Variants in PRIM2 observed in about 807,000 individuals in gnomAD.
The protein encoded by PRIM2 is DNA primase subunit 2.
A neutral mutation model predicts 67.3 loss-of-function variants in PRIM2; 39 were observed. That is an observed-to-expected ratio of 0.58 (90% CI 0.45 to 0.76). The LOEUF is 0.76. Among genes scored for constraint, PRIM2 ranks in the 30% least tolerant of loss-of-function variants. The probability of loss-of-function intolerance (pLI) is 0.00; values close to 1 mark genes in which losing one functional copy is unlikely to be tolerated. For missense variants in PRIM2, 398 were observed against 598.7 expected (o/e 0.66, Z 3.50); for synonymous variants, 143 against 198.7 (o/e 0.72, Z 2.36).
chr6:57,419,888 T>G, intron 7 of PRIM2, among the ~76,000 whole-genome samples: 1 of 152,202 alleles, frequency 6.6e-6, no homozygotes, highest in Admixed American at 6.5e-5. Flanking sequence ...TGACTTATAC[T>G]TCGTTGATTA....
intron 7 of PRIM2, among the ~76,000 whole-genome samples, chr6:57,480,886 G>A (rs1273949667): frequency 5.9e-5 from 9 of 152,098 alleles, no homozygotes; most frequent in South Asian, 2.1e-4. Flanking sequence ...TCTGCCTCCC[G>A]AAGTGCTGAG....
At chr6:57,420,853 A>G (rs1175978596) in intron 7 of PRIM2, among the ~76,000 whole-genome samples, 2 of 152,236 alleles carry the variant, frequency 1.3e-5, no homozygotes, top group African/African-American at 4.8e-5. Flanking sequence ...ATGCCATAGA[A>G]ATATTCACTT....
chr6:57,283,615 C>G, the PRIM2 span, among the ~76,000 whole-genome samples: 1 of 151,836 alleles, frequency 6.6e-6, no homozygotes, highest in Non-Finnish European at 1.5e-5. Context: ...TTTTCAGCCT[C>G]AACTCTAAAG....
chr6:57,334,932 C>G (rs945384103), intron 5 of PRIM2, among the ~76,000 whole-genome samples: 3 of 152,192 alleles, frequency 2.0e-5, no homozygotes, highest in Non-Finnish European at 2.9e-5. Context: ...GTGATTTCTG[C>G]ATTTCCATCT....
intron 8 of PRIM2, among the ~76,000 whole-genome samples, chr6:57,510,947 C>T (rs1423158412): frequency 3.3e-5 from 5 of 151,590 alleles, no homozygotes; most frequent in Admixed American, 6.6e-5. Context: ...TACCTAGAGG[C>T]GGATGGACAT....
chr6:57,350,749 A>G (rs1768833951), intron 5 of PRIM2, among the ~76,000 whole-genome samples: 2 of 152,078 alleles, frequency 1.3e-5, no homozygotes, highest in Non-Finnish European at 2.9e-5. Flanking sequence ...GAACACAGAC[A>G]TAGGCCCATC....
At position 57,434,770 on chromosome 6, in the gene PRIM2, C is replaced by T. The variant is rs1771958136; in HGVS notation, c.693+52602C>T. Reference sequence around the variant, plus strand: ...AATCCTGGGTCTCTGCTCTCTCTCTCTTTTTTACTTTTCTTTTCTTTTTTT... The same window carrying T: ...AATCCTGGGTCTCTGCTCTCTCTCTTTTTTTTACTTTTCTTTTCTTTTTTT... On this transcript the variant is annotated intron_variant, in intron 7 of 13. Transcript: ENST00000615550. Among the ~76,000 whole-genome samples the T allele has an allele frequency of 4.0e-5, 6 of 151,812 alleles. No homozygotes were observed. In the South Asian group the frequency reaches 8.3e-4, roughly 21 times the overall value.
chr6:57,641,065 A>C (rs1260683283), intron 13 of PRIM2, among the ~76,000 whole-genome samples: 2 of 151,998 alleles, frequency 1.3e-5, no homozygotes, highest in African/African-American at 4.8e-5. Context: ...AACAGAACAG[A>C]GGCCTCAGAA....
chr6:57,309,884 T>G (rs1335570224), upstream of PRIM2, among the ~76,000 whole-genome samples: 1 of 152,158 alleles, frequency 6.6e-6, no homozygotes, highest in Non-Finnish European at 1.5e-5. Flanking sequence ...GGTATCTCAT[T>G]ATGGACTTCA....
rs1233405146 is a variant in PRIM2 at position 57,588,664 on chromosome 6, C to G, written c.1021-12429C>G. On this transcript the variant is annotated intron_variant, in intron 10 of 13. Transcript: ENST00000615550. Reference sequence around the variant, plus strand: ...TGTGAGTTAAAAATTTCAGGTTTTTCCAGTTGTTTTAACTGCAGTGCCACA... The same window carrying G: ...TGTGAGTTAAAAATTTCAGGTTTTTGCAGTTGTTTTAACTGCAGTGCCACA... 2.6e-5 allele frequency among the ~76,000 whole-genome samples: 4 copies of G among 152,018 alleles called. No homozygotes were observed. The East Asian group carries it at 7.8e-4, about 29-fold the overall frequency.
the PRIM2 span, among the ~76,000 whole-genome samples, chr6:57,258,583 CCAACCCACCCA>C: frequency 7.4e-6 from 1 of 135,668 alleles, no homozygotes; most frequent in African/African-American, 2.7e-5. Flanking sequence ...AGCCCCCACC[CCAACCCACCCA>C]CCCCTCCACT....
intron 7 of PRIM2, among the ~76,000 whole-genome samples, chr6:57,450,340 C>A (rs2127389824): frequency 6.6e-6 from 1 of 152,238 alleles, no homozygotes; most frequent in East Asian, 1.9e-4. Flanking sequence ...ATCCACTGGC[C>A]AAATTACCAT....
At chr6:57,298,558 G>A in the PRIM2 span, among the ~76,000 whole-genome samples, 1 of 151,968 alleles carries the variant, frequency 6.6e-6, no homozygotes, top group African/African-American at 2.4e-5. Context: ...AGAAATGAAG[G>A]GGGTTGCATG....
chr6:57,523,121 TA>T (rs1774660412), intron 8 of PRIM2, among the ~76,000 whole-genome samples: 1 of 152,204 alleles, frequency 6.6e-6, no homozygotes, highest in African/African-American at 2.4e-5. Context: ...TTAAGAATAA[TA>T]AATTTAGGCC....
intron 7 of PRIM2, among the ~76,000 whole-genome samples, chr6:57,504,195 T>G (rs1163744509): frequency 2.0e-5 from 3 of 152,212 alleles, no homozygotes; most frequent in Non-Finnish European, 4.4e-5. Flanking sequence ...TATTTGACAT[T>G]TATTGGCATT....
intron 10 of PRIM2, among the ~76,000 whole-genome samples, chr6:57,577,313 GAAGTCTCAATTTCCTAGGCTGTAA>G (rs1775981049): frequency 6.6e-6 from 1 of 152,002 alleles, no homozygotes; most frequent in African/African-American, 2.4e-5. Flanking sequence ...TTAATATTTC[GAAGTCTCAATTTCCTAGGCTGTAA>G]AATAGGGATA....
chr6:57,427,554 G>A (rs1771672137), intron 7 of PRIM2, among the ~76,000 whole-genome samples: 2 of 152,182 alleles, frequency 1.3e-5, no homozygotes, highest in African/African-American at 4.8e-5. Flanking sequence ...CTGACCTCAA[G>A]CAATCCACCT....
chr6:57,557,174 G>A (rs1220505850), intron 10 of PRIM2, among the ~76,000 whole-genome samples: 1 of 135,742 alleles, frequency 7.4e-6, no homozygotes, highest in African/African-American at 2.8e-5. Context: ...ACTGTTGGTG[G>A]GAGTGTAAAT....
At chr6:57,541,847 T>TTACTAC (rs1358133136) in intron 10 of PRIM2, among the ~76,000 whole-genome samples, 1 of 152,154 alleles carries the variant, frequency 6.6e-6, no homozygotes, top group Non-Finnish European at 1.5e-5. Context: ...TCTGCTTTAC[T>TTACTAC]TTAACTACCA....
Sources: allele counts gnomAD v4.1 joint callset (sites outside exome capture counted in the v4.1 genomes callset), GRCh38; gene constraint gnomAD v4.1.1; transcripts MANE v1.5; gene names NCBI Gene and HGNC (gene_info 2026-07-23, HGNC 2026-07-21).